The following CEP350 variants were observed in gnomAD, a reference collection of about 807,000 sequenced individuals.
CEP350 encodes centrosomal protein 350, also known as centrosome-associated protein 350.
A neutral mutation model predicts 331.8 loss-of-function variants in CEP350; 126 were observed. That is an observed-to-expected ratio of 0.38 (90% CI 0.33 to 0.44). The LOEUF (loss-of-function observed/expected upper bound fraction) is 0.44. CEP350 is among the 20% of genes least tolerant of loss of function. CEP350 has a pLI of 1.00. For synonymous variants in CEP350, 1,200 were observed against 1,259.5 expected, an observed-to-expected ratio of 0.95 and a Z score of 1.00; for missense variants, 3,406 against 3,634.6, an observed-to-expected ratio of 0.94 and a Z score of 1.62.
Position 179,992,204 on chromosome 1 carries a change from A to C in CEP350, c.378A>C (p.Glu126Asp). ...VKKNNRVEFR[E>D]PLVSYREIHG... ...AAAATAATCGTGTGGAATTTCGTGA[A>C]CCTTTGGTTTCTTATAGGTTAGTAT... Residue 126 changes from glutamate (E) to aspartate (D), a missense_variant, in exon 5 of 38, where the codon GAA (glutamate) becomes GAC (aspartate). Glu to Asp is a conservative substitution (Grantham distance 45). Transcript: ENST00000367607. 6.6e-7 allele frequency: 1 copy of C among 1,506,540 alleles called. No individual in the cohort carries two copies. 93.3% of individuals were successfully genotyped at this position (1,506,540 alleles called of 1,614,324 possible).
intron 27 of CEP350, among the ~76,000 whole-genome samples, chr1:180,074,764 G>GT (rs1232364838): frequency 7.2e-5 from 11 of 152,096 alleles, no homozygotes; most frequent in African/African-American, 2.4e-4. Context: ...TATTCTGAAG[G>GT]TTTTTTTCCT....
intron 37 of CEP350, among the ~76,000 whole-genome samples, chr1:180,107,029 G>A (rs527979264): frequency 3.1e-4 from 47 of 151,978 alleles, no homozygotes; most frequent in African/African-American, 5.8e-4. Flanking sequence ...TCCCAGCTTC[G>A]TGTCATTTCT....
At position 180,024,507 on chromosome 1, in the gene CEP350, G is replaced by C; in HGVS notation, c.3475G>C (p.Gly1159Arg). 1 of 1,613,436 alleles carries C rather than the reference G, an allele frequency of 6.2e-7. No homozygotes were observed. Among genetic ancestry groups the C allele is most frequent in the Non-Finnish European group, 8.5e-7 (1 of 1,179,686 alleles). ...GGATGTTACCTCCCAGCATTCATCA[G>C]GAGCCCAGTCTGCTGCATCGTCTCG... ...SVDVTSQHSS[G>R]AQSAASSRSS... Residue 1159 changes from glycine to arginine, a missense_variant, in exon 14 of 38, where the codon GGA becomes CGA. By Grantham distance (125) the Gly-to-Arg change is moderately radical. Around this residue, in one of 5 missense-constraint regions of CEP350, gnomAD observed 1,857 missense variants for 1,909.2 expected, o/e 0.97. Transcript: ENST00000367607.
Position 180,054,281 on chromosome 1 carries a change from A to G in CEP350, c.5175-134A>G, listed in dbSNP as rs1285497466. On this transcript the variant is annotated intron_variant, in intron 24 of 37. Transcript: ENST00000367607. ...TTTGGATATTAATGGTTACGGCTAC[A>G]TGTAGCAACTGCTTTTCACATTTGA... 6.8e-6 allele frequency: 5 copies of G among 740,614 alleles called. 1 individual carries two copies. The highest frequency in any genetic ancestry group is 4.7e-5 in the Admixed American group (2 of 42,274). 45.9% of individuals were successfully genotyped at this position (740,614 alleles called of 1,614,324 possible).
rs1656866477 is a variant in CEP350 at position 180,042,978 on chromosome 1, C to T, written c.4363-78C>T. 4.1e-6 allele frequency: 6 copies of T among 1,469,898 alleles called. No individual in the cohort carries two copies. The East Asian group carries it at 1.2e-4, about 29-fold the overall frequency. The allele number at this position is 1,469,898 out of a possible 1,614,324, so 91.1% of individuals were successfully genotyped here. A position where few individuals can be genotyped will look rare whatever the true frequency, so the allele number is the denominator to read the frequency against. ...TTCTCAAGTCAGTGATCTTTCTTTCCAAGACACTATGCTCCTTCTCAGTTC... is the reference window on the plus strand; with the variant it reads ...TTCTCAAGTCAGTGATCTTTCTTTCTAAGACACTATGCTCCTTCTCAGTTC... On this transcript the variant is annotated intron_variant, in intron 19 of 37. Transcript: ENST00000367607.
In CEP350 at chr1:180,053,947, G is replaced by T; in HGVS notation, c.5174+13G>T. The T allele has an allele frequency of 6.6e-7, 1 of 1,525,234 alleles. No homozygotes were observed. The highest frequency in any genetic ancestry group is 1.3e-5 in the South Asian group (1 of 76,470). 94.5% of individuals were successfully genotyped at this position (1,525,234 alleles called of 1,614,324 possible). On this transcript the variant is annotated intron_variant, in intron 24 of 37. Transcript: ENST00000367607. ...AGCATCAAAAAAAGTAAGTTCTTTTGAGCAGTTTTCACTAATTTCTTCATT... is the reference window on the plus strand; with the variant it reads ...AGCATCAAAAAAAGTAAGTTCTTTTTAGCAGTTTTCACTAATTTCTTCATT...
intron 11 of CEP350, among the ~76,000 whole-genome samples, chr1:180,016,845 T>G (rs1482508839): frequency 6.6e-6 from 1 of 152,000 alleles, no homozygotes; most frequent in Non-Finnish European, 1.5e-5. Context: ...GTATTTTTAG[T>G]AGAGACTTTG....
Position 179,992,113 on chromosome 1 carries a change from C to T in CEP350, c.287C>T (p.Thr96Ile), listed in dbSNP as rs1653141248. 7 of 1,553,262 alleles carry T rather than the reference C, an allele frequency of 4.5e-6. No individual in the cohort carries two copies. The highest frequency in any genetic ancestry group is 1.4e-5 in the African/African-American group (1 of 72,198). ...SWVNAPISKS[T>I]KSRKEKSRSP... The stretch of plus-strand genomic sequence containing the variant: ...GTTAATGCTCCAATCTCCAAATCCA[C>T]TAAATCACGAAAAGAGAAATCTCGT... Residue 96 changes from threonine (T) to isoleucine (I), a missense_variant, in exon 5 of 38, where the codon ACT becomes ATT. By Grantham distance (89) the Thr-to-Ile change is moderately conservative. Coordinates refer to ENST00000367607, the MANE Select transcript of CEP350 (RefSeq NM_014810.5).
intron 4 of CEP350, among the ~76,000 whole-genome samples, chr1:179,991,548 A>G (rs1037487382): frequency 2.0e-5 from 3 of 151,352 alleles, no homozygotes; most frequent in Non-Finnish European, 4.4e-5. Flanking sequence ...TTGGCCTCCC[A>G]AAGTGCAGGG....
At chr1:180,076,923 A>G (rs918042703) in intron 28 of CEP350, among the ~76,000 whole-genome samples, 3 of 152,236 alleles carry the variant, frequency 2.0e-5, no homozygotes, top group East Asian at 1.9e-4. Context: ...CCTATAATAG[A>G]TACCGTACTT....
chr1:179,996,421 C>G, intron 5 of CEP350, 132 bp from the exon 6 acceptor site: 1 of 643,368 alleles, frequency 1.6e-6, no homozygotes, highest in East Asian at 2.7e-5. Context: ...ATGGCTAAAT[C>G]AAGTTATTTA....
intron 28 of CEP350, among the ~76,000 whole-genome samples, chr1:180,077,553 G>A (rs1659303405): frequency 6.6e-6 from 1 of 151,194 alleles, no homozygotes; most frequent in African/African-American, 2.4e-5. Flanking sequence ...TGTAGTCCCA[G>A]CTACTTAGGG....
At chr1:179,994,842 A>G (rs1362384563) in intron 5 of CEP350, among the ~76,000 whole-genome samples, 1 of 152,168 alleles carries the variant, frequency 6.6e-6, no homozygotes, top group African/African-American at 2.4e-5. Flanking sequence ...CAAAAGCTGT[A>G]GACTGTTTTC....
At chr1:179,971,288 CA>C (rs1651435378) in intron 1 of CEP350, among the ~76,000 whole-genome samples, 2 of 152,100 alleles carry the variant, frequency 1.3e-5, no homozygotes, top group African/African-American at 2.4e-5. Context: ...CTCGACCTCC[CA>C]AAGTGCTGAG....
chr1:180,104,902 C>T (rs933861269), intron 37 of CEP350, among the ~76,000 whole-genome samples: 2 of 152,106 alleles, frequency 1.3e-5, no homozygotes, highest in African/African-American at 4.8e-5. Flanking sequence ...CGTCACTTCC[C>T]CCGCATTATA....
chr1:180,095,272 G>A (rs1660418874), intron 34 of CEP350: 2 of 331,282 alleles, frequency 6.0e-6, no homozygotes, highest in African/African-American at 2.1e-5. Context: ...AATACAAAAA[G>A]CGGGGAGAGC....
intron 25 of CEP350, 128 bp downstream of exon 25, chr1:180,054,630 T>A: frequency 1.5e-6 from 1 of 679,268 alleles, no homozygotes; most frequent in Admixed American, 2.3e-5. Context: ...TTCCACTGTT[T>A]ATGTTCATAC....
chr1:179,998,965 A>C (rs1274753822), intron 6 of CEP350, among the ~76,000 whole-genome samples: 1 of 152,086 alleles, frequency 6.6e-6, no homozygotes, highest in African/African-American at 2.4e-5. Flanking sequence ...ATTTTTTATT[A>C]ATAACAACAC....
At chr1:180,038,700 C>G (rs1656538667) in intron 17 of CEP350, among the ~76,000 whole-genome samples, 1 of 152,076 alleles carries the variant, frequency 6.6e-6, no homozygotes, top group South Asian at 2.1e-4. Context: ...AAATCTTTTA[C>G]CCCCTTCATT....
Sources: allele counts gnomAD v4.1 joint callset (sites outside exome capture counted in the v4.1 genomes callset), GRCh38; gene constraint gnomAD v4.1.1; regional missense constraint gnomAD v4.1.1; transcripts MANE v1.5; gene names NCBI Gene and HGNC (gene_info 2026-07-23, HGNC 2026-07-21).